PADI4: variants seen among roughly 807,000 people sequenced by gnomAD.
The protein encoded by PADI4 is peptidyl arginine deiminase 4.
Under a neutral mutation model 75.0 loss-of-function variants are expected in PADI4, and 62 were observed. The observed-to-expected ratio is 0.83, with a 90% CI of 0.67 to 1.02. The LOEUF (loss-of-function observed/expected upper bound fraction) is 1.02, where lower values mean the gene tolerates loss of function less well. PADI4 is among the 50% of genes least tolerant of loss of function. PADI4 has a pLI of 0.00. For missense variants in PADI4, 845 were observed against 850.5 expected (o/e 0.99, Z 0.08); for synonymous variants, 361 against 348.1 (o/e 1.04, Z -0.41).
chr1:17,339,659 T>G, intron 5 of PADI4, 29 bp from the exon 6 acceptor site: 3 of 1,612,842 alleles, frequency 1.9e-6, no homozygotes, highest in Non-Finnish European at 1.7e-6. Flanking sequence ...CAGGGCCCTG[T>G]GACTCAGGCA....
intron 15 of PADI4, 135 bp downstream of exon 15, chr1:17,359,543 T>C: frequency 8.2e-7 from 1 of 1,222,176 alleles, no homozygotes; most frequent in Non-Finnish European, 1.1e-6. Flanking sequence ...TCCTGAGTGG[T>C]ACAAGGTCAG....
chr1:17,338,798 T>C (rs1635580), intron 5 of PADI4, among the ~76,000 whole-genome samples: 97,035 of 152,052 alleles, frequency 0.64, 31,166 homozygotes, highest in Non-Finnish European at 0.67. Context: ...GAGGAAACAT[T>C]ATCCACCTGC....
At chr1:17,333,290 C>T (rs754183783) in intron 2 of PADI4, among the ~76,000 whole-genome samples, 5 of 152,038 alleles carry the variant, frequency 3.3e-5, no homozygotes, top group Non-Finnish European at 7.4e-5. Flanking sequence ...AGCACCTCCG[C>T]GTGGCCCCTC....
chr1:17,363,749 G>T lies in PADI4; in HGVS notation c.1986G>T (p.Val662=), dbSNP rs1251578217. The T allele has an allele frequency of 6.2e-7, 1 of 1,608,342 alleles. No individual in the cohort carries two copies. The highest frequency in any genetic ancestry group is 1.7e-5 in the Admixed American group (1 of 59,998). The change falls in exon 16 of 16, where the codon GTG becomes GTT. Residue 662 remains valine (V), a synonymous_variant. Coordinates refer to ENST00000375448, the MANE Select transcript of PADI4 (RefSeq NM_012387.3). ...KPFSFKWWNM[V]P ...TCTCCTTCAAGTGGTGGAACATGGT[G>T]CCCTGAGCCCATCTTCCCTGGCGTC...
chr1:17,341,265 A>AT (rs1399589174), intron 6 of PADI4, among the ~76,000 whole-genome samples: 1 of 151,250 alleles, frequency 6.6e-6, no homozygotes, highest in African/African-American at 2.4e-5. Flanking sequence ...TGCCTGGCTA[A>AT]TTTTTTTGTG....
rs2074199677 is a variant in PADI4, at chr1:17,330,952, A to G, written c.93-17A>G. The G allele has an allele frequency of 1.3e-6, 2 of 1,516,720 alleles. No individual in the cohort carries two copies. Among genetic ancestry groups the G allele is most frequent in the South Asian group, 1.3e-5 (1 of 76,848 alleles). The allele number at this position is 1,516,720 out of a possible 1,614,324, so 94.0% of individuals were successfully genotyped here. A position where few individuals can be genotyped will look rare whatever the true frequency, so the allele number is the denominator to read the frequency against. ...TCCTCACTGCATCCTCTGCTTTCCC[A>G]TGTGTCTTGTCCACAGCTCTGCCCC... On this transcript the variant is annotated splice_polypyrimidine_tract_variant and intron_variant, in intron 1 of 15. Transcript: ENST00000375448.
intron 1 of PADI4, among the ~76,000 whole-genome samples, chr1:17,312,291 CT>C (rs1410896697): frequency 3.9e-5 from 6 of 151,986 alleles, no homozygotes; most frequent in African/African-American, 1.4e-4. Flanking sequence ...GAAACCCCAT[CT>C]CTACTAAAAA....
In PADI4 at chr1:17,331,023, C is replaced by T. The variant is rs754061682; in HGVS notation, c.147C>T (p.Val49=). 17 of 1,607,096 alleles carry T rather than the reference C, an allele frequency of 1.1e-5. No individual in the cohort carries two copies. The highest frequency in any genetic ancestry group is 4.0e-5 in the African/African-American group (3 of 74,556). The change falls in exon 2 of 16, where the codon GTC becomes GTT. Residue 49 remains valine, a synonymous_variant. Transcript: ENST00000375448. The part of the protein sequence containing the change: ...SFSINASPGV[V]VDIAHGPPAK... ...GCATCAACGCCTCCCCAGGGGTGGT[C>T]GTGGATATTGCCCACGGCCCTCCAG...
rs1313277831 is a variant in PADI4, at chr1:17,336,186, G to T, written c.368G>T (p.Arg123Leu). Residue 123 changes from arginine to leucine, a missense_variant, in exon 4 of 16, where the codon CGC becomes CTC. Coordinates refer to ENST00000375448, the MANE Select transcript of PADI4 (RefSeq NM_012387.3). ...ATCTCCTTGTGCGCAGACATCACCC[G>T]CACCGGCAAAGTGAAGCCAACCAGA... ...VEISLCADIT[R>L]TGKVKPTRAV... is the part of the protein sequence containing the mutation. 6 of 1,613,268 alleles carry T rather than the reference G, an allele frequency of 3.7e-6. No homozygotes were observed. In the East Asian group the frequency reaches 8.9e-5, roughly 24 times the overall value.
At position 17,358,912 on chromosome 1, in the gene PADI4, G is replaced by A; in HGVS notation, c.1629+4G>A. On this transcript the variant is annotated splice_donor_region_variant and intron_variant, in intron 14 of 15. Transcript: ENST00000375448. ...AGAACATAATTCATTTGTGGAGGTAGGAGCCTGGGTGCCTACACCCCAGCA... is the reference window on the plus strand; with the variant it reads ...AGAACATAATTCATTTGTGGAGGTAAGAGCCTGGGTGCCTACACCCCAGCA... The A allele has an allele frequency of 1.2e-6, 2 of 1,600,210 alleles. No homozygotes were observed. Among genetic ancestry groups the A allele is most frequent in the Non-Finnish European group, 1.7e-6 (2 of 1,170,830 alleles).
intron 8 of PADI4, 89 bp from the exon 9 acceptor site, chr1:17,345,939 C>A (rs1460075201): frequency 2.5e-6 from 2 of 813,562 alleles, no homozygotes. Context: ...CACAGGTGAC[C>A]CCTGAGCCAC....
intron 1 of PADI4, among the ~76,000 whole-genome samples, chr1:17,328,990 TA>T (rs1163551783): frequency 1.3e-5 from 2 of 148,940 alleles, no homozygotes; most frequent in African/African-American, 2.4e-5. Flanking sequence ...TATATTAAGA[TA>T]TTTTTATTAT....
chr1:17,360,315 C>T (rs2074831531), intron 15 of PADI4, among the ~76,000 whole-genome samples: 1 of 151,530 alleles, frequency 6.6e-6, no homozygotes, highest in Non-Finnish European at 1.5e-5. Context: ...AAAAGACAGT[C>T]ATCTTGAGCT....
rs2074652759 is a variant in PADI4 at position 17,352,031 on chromosome 1, GA to G, written c.1156-2501del. ...TGGGAGGAGAGGCGGCCAGGGAGGTGATGGGAGGAGAGGCAGTCAGGGAGGT... is the reference window on the plus strand; with the variant it reads ...TGGGAGGAGAGGCGGCCAGGGAGGTGTGGGAGGAGAGGCAGTCAGGGAGGT... On this transcript the variant is annotated intron_variant, in intron 10 of 15. Transcript: ENST00000375448. Among the ~76,000 whole-genome samples, 11 of 14,948 alleles carry G rather than the reference GA, an allele frequency of 7.4e-4. 1 individual carries two copies. The highest frequency in any genetic ancestry group is 2.4e-3 in the East Asian group (1 of 416). 9.8% of individuals were successfully genotyped at this position (14,948 alleles called of 152,430 possible). A position where few individuals can be genotyped will look rare whatever the true frequency, so the allele number is the denominator to read the frequency against.
Position 17,356,595 on chromosome 1 carries a change from TA to T in PADI4, c.1558+137del, listed in dbSNP as rs772360535. 4.7e-5 allele frequency: 29 copies of T among 619,170 alleles called. No individual in the cohort carries two copies. Among genetic ancestry groups the T allele is most frequent in the East Asian group, 1.4e-4 (5 of 36,108 alleles). The allele number at this position is 619,170 out of a possible 1,614,324, so 38.4% of individuals were successfully genotyped here. On this transcript the variant is annotated intron_variant, in intron 13 of 15. Transcript: ENST00000375448. The surrounding 1 kb of genome is among the most constrained non-coding windows in gnomAD (Gnocchi z 4.1). Reference sequence around the variant, plus strand: ...GTGCGCCAGGCACTGTGCCAAGTGCTAGGGAGACTGCATGAACAGGGCAGAA... The same window carrying T: ...GTGCGCCAGGCACTGTGCCAAGTGCTGGGAGACTGCATGAACAGGGCAGAA...
chr1:17,333,283 A>G (rs924959914), intron 2 of PADI4, among the ~76,000 whole-genome samples: 1 of 151,638 alleles, frequency 6.6e-6, no homozygotes, highest in African/African-American at 2.4e-5. Flanking sequence ...AGGTCCGAGC[A>G]CCTCCGCGTG....
intron 1 of PADI4, among the ~76,000 whole-genome samples, chr1:17,326,732 C>T (rs1008016418): frequency 7.2e-5 from 11 of 152,008 alleles, no homozygotes; most frequent in East Asian, 1.9e-4. Flanking sequence ...CTATATATAT[C>T]GACTAAATCA....
At chr1:17,339,621 G>A (rs896882764) in intron 5 of PADI4, 67 bp from the exon 6 acceptor site, 603 of 1,584,060 alleles carry the variant, frequency 3.8e-4, no homozygotes, top group Non-Finnish European at 5.0e-4. Context: ...CAGGAGGTGA[G>A]GTGGCTATGG....
chr1:17,339,188 C>T (rs1240863529), intron 5 of PADI4, among the ~76,000 whole-genome samples: 1 of 152,192 alleles, frequency 6.6e-6, no homozygotes, highest in Admixed American at 6.5e-5. Context: ...CCTTGGCTAT[C>T]AGTCAGTCCC....
Sources: gnomAD v4.1 joint callset for allele counts (sites outside exome capture counted in the v4.1 genomes callset) on GRCh38, gnomAD v4.1.1 for gene constraint, Gnocchi (gnomAD v3.1) non-coding constraint, MANE v1.5 for transcripts, NCBI Gene and HGNC (gene_info 2026-07-23, HGNC 2026-07-21) for gene names.